Variants in CNTN5 observed in about 807,000 individuals in gnomAD.
CNTN5 encodes the protein contactin-5.
A neutral mutation model predicts 129.1 loss-of-function variants in CNTN5; 77 were observed. That is an observed-to-expected ratio of 0.60 (90% CI 0.50 to 0.72). The LOEUF (loss-of-function observed/expected upper bound fraction) is 0.72, where lower values mean the gene tolerates loss of function less well. Among genes scored for constraint, CNTN5 ranks in the 30% least tolerant of loss-of-function variants. The pLI is 0.00. For synonymous variants in CNTN5, 509 were observed against 465.6 expected (o/e 1.09, Z -1.20); for missense variants, 1,478 against 1,328.8 (o/e 1.11, Z -1.75).
intron 13 of CNTN5, among the ~76,000 whole-genome samples, chr11:100,126,085 T>C (rs1295998463): frequency 6.6e-6 from 1 of 152,178 alleles, no homozygotes; most frequent in African/African-American, 2.4e-5. Flanking sequence ...GAGCAAGTTG[T>C]TTGTTTTCCA....
chr11:100,157,963 A>C (rs2138343729), intron 13 of CNTN5, among the ~76,000 whole-genome samples: 1 of 151,992 alleles, frequency 6.6e-6, no homozygotes, highest in East Asian at 1.9e-4. Context: ...ATTTTTAAAC[A>C]TGATATTGGA....
intron 1 of CNTN5, among the ~76,000 whole-genome samples, chr11:99,212,028 C>A (rs1235216552): frequency 6.6e-6 from 1 of 152,144 alleles, no homozygotes; most frequent in Non-Finnish European, 1.5e-5. Context: ...CCGGCCAGTG[C>A]AGTTTATTAC....
chr11:100,022,381 T>C (rs1236678312), intron 9 of CNTN5, among the ~76,000 whole-genome samples: 1 of 152,226 alleles, frequency 6.6e-6, no homozygotes, highest in Non-Finnish European at 1.5e-5. Flanking sequence ...TGCTATTTGC[T>C]TTCTATCTGT....
intron 2 of CNTN5, among the ~76,000 whole-genome samples, chr11:99,328,269 G>A (rs1282145685): frequency 6.6e-6 from 1 of 152,158 alleles, no homozygotes; most frequent in African/African-American, 2.4e-5. Context: ...GACGGAGACA[G>A]TTTTGAATGA....
chr11:99,299,401 CA>C (rs911616439), intron 1 of CNTN5, among the ~76,000 whole-genome samples: 36 of 151,372 alleles, frequency 2.4e-4, no homozygotes, highest in Non-Finnish European at 4.1e-4. Flanking sequence ...AGTATATTAA[CA>C]AAAAAAATTA....
intron 1 of CNTN5, among the ~76,000 whole-genome samples, chr11:99,237,895 A>G (rs991864260): frequency 6.6e-6 from 1 of 152,226 alleles, no homozygotes; most frequent in African/African-American, 2.4e-5. Context: ...ACCAAAGGCC[A>G]GGAAAAAGTC....
chr11:100,150,697 A>G (rs1947026297), intron 13 of CNTN5, among the ~76,000 whole-genome samples: 1 of 152,020 alleles, frequency 6.6e-6, no homozygotes, highest in South Asian at 2.1e-4. Context: ...AACAATCAAC[A>G]AAACACAACT....
intron 2 of CNTN5, among the ~76,000 whole-genome samples, chr11:99,430,663 TAGAG>T (rs1943327791): frequency 6.6e-6 from 1 of 151,868 alleles, no homozygotes; most frequent in Non-Finnish European, 1.5e-5. Flanking sequence ...GCTATCTATA[TAGAG>T]AGAAAGAGCT....
intron 18 of CNTN5, among the ~76,000 whole-genome samples, chr11:100,291,751 T>TAATA (rs201648211): frequency 0.094 from 11,656 of 123,500 alleles, 647 homozygotes; most frequent in East Asian, 0.17. Flanking sequence ...TAAAGTATAA[T>TAATA]AATAAATAAA....
At chr11:99,935,163 A>G (rs1950287661) in intron 7 of CNTN5, among the ~76,000 whole-genome samples, 2 of 151,554 alleles carry the variant, frequency 1.3e-5, no homozygotes, top group African/African-American at 4.8e-5. Flanking sequence ...TATTGTTCAG[A>G]TTCTATGAAT....
intron 1 of CNTN5, among the ~76,000 whole-genome samples, chr11:99,071,821 A>G (rs1865352312): frequency 1.3e-5 from 2 of 152,110 alleles, no homozygotes; most frequent in South Asian, 4.1e-4. Flanking sequence ...AAATTCCATG[A>G]AAAACACATT....
chr11:100,130,691 T>C (rs115585233), intron 13 of CNTN5, among the ~76,000 whole-genome samples: 3,724 of 152,080 alleles, frequency 0.024, 149 homozygotes, highest in African/African-American at 0.083. Context: ...GGAGGCATGC[T>C]ATTCTCCTAG....
At position 100,001,869 on chromosome 11, in the gene CNTN5, G is replaced by A. The variant is rs1326323135; in HGVS notation, c.878-165G>A. On this transcript the variant is annotated intron_variant, in intron 8 of 24. Transcript: ENST00000524871. Reference sequence around the variant, plus strand: ...GGGAAGACTAGGATTTCATCAAAATGATAGAGCCTAAGTGTACTACTTATT... The same window carrying A: ...GGGAAGACTAGGATTTCATCAAAATAATAGAGCCTAAGTGTACTACTTATT... Among the ~76,000 whole-genome samples the A allele has an allele frequency of 6.6e-5, 10 of 152,248 alleles. No individual in the cohort carries two copies. The East Asian group carries it at 1.4e-3, about 21-fold the overall frequency.
At chr11:99,344,846 G>C (rs998562648) in intron 2 of CNTN5, among the ~76,000 whole-genome samples, 3 of 152,108 alleles carry the variant, frequency 2.0e-5, no homozygotes, top group Non-Finnish European at 4.4e-5. Context: ...TGAGCTGTAA[G>C]GCCCCTTAAA....
At position 99,594,316 on chromosome 11, in the gene CNTN5, A is replaced by G. The variant is rs1201289094; in HGVS notation, c.55+38047A>G. On this transcript the variant is annotated intron_variant, in intron 3 of 24. Transcript: ENST00000524871. ...GGTAGCTTTTTCCATTAAGTGCAGT[A>G]CTGTGAAAAGCTGCAGCTAATGCAG... Among the ~76,000 whole-genome samples, 3 of 152,316 alleles carry G rather than the reference A, an allele frequency of 2.0e-5. No individual in the cohort carries two copies. The South Asian group carries it at 6.2e-4, about 32-fold the overall frequency.
chr11:100,017,769 T>C (rs1434133304), intron 9 of CNTN5, among the ~76,000 whole-genome samples: 1 of 152,012 alleles, frequency 6.6e-6, no homozygotes, highest in Non-Finnish European at 1.5e-5. Flanking sequence ...AACCATGCCA[T>C]CTATGGGATT....
At chr11:99,284,632 TG>T (rs1443570821) in intron 1 of CNTN5, among the ~76,000 whole-genome samples, 2 of 148,978 alleles carry the variant, frequency 1.3e-5, no homozygotes, top group African/African-American at 4.9e-5. Flanking sequence ...TGTGTGTGTG[TG>T]TGTGTGTGTG....
chr11:99,671,944 A>G (rs1187619870), intron 3 of CNTN5, among the ~76,000 whole-genome samples: 1 of 152,026 alleles, frequency 6.6e-6, no homozygotes, highest in Admixed American at 6.6e-5. Context: ...GAGGACTTTC[A>G]ATCGTTGCAG....
chr11:100,218,670 C>T (rs1324856576), intron 15 of CNTN5, among the ~76,000 whole-genome samples: 3 of 152,170 alleles, frequency 2.0e-5, no homozygotes, highest in Non-Finnish European at 2.9e-5. Flanking sequence ...GTCTGTGAAA[C>T]CTTTCTGAAA....
Sources: allele counts gnomAD v4.1 joint callset (sites outside exome capture counted in the v4.1 genomes callset), GRCh38; gene constraint gnomAD v4.1.1; transcripts MANE v1.5; gene names NCBI Gene and HGNC (gene_info 2026-07-23, HGNC 2026-07-21).